The following MARCHF1 variants were observed in gnomAD, a reference collection of about 807,000 sequenced individuals.
MARCHF1 encodes E3 ubiquitin-protein ligase MARCHF1.
In MARCHF1, 40 loss-of-function variants were observed where a neutral mutation model predicts 54.2. The observed-to-expected ratio is 0.74, with a 90% CI of 0.57 to 0.96. MARCHF1 has a LOEUF of 0.96. Among genes scored for constraint, MARCHF1 ranks in the 40% least tolerant of loss-of-function variants. The pLI, the probability that MARCHF1 is intolerant of heterozygous loss-of-function variation, is 0.00. For synonymous variants in MARCHF1, 236 were observed against 236.3 expected, an observed-to-expected ratio of 1.00 and a Z score of 0.01; for missense variants, 586 against 656.5, an observed-to-expected ratio of 0.89 and a Z score of 1.17.
At chr4:164,146,696 A>G (rs183817622) in intron 1 of MARCHF1, among the ~76,000 whole-genome samples, 28,733 of 151,670 alleles carry the variant, frequency 0.19, 4,342 homozygotes, top group African/African-American at 0.41. Flanking sequence ...AGACTTAAAC[A>G]TTAGACCTAA....
chr4:164,151,247 C>G (rs1729927776), intron 1 of MARCHF1, among the ~76,000 whole-genome samples: 2 of 152,116 alleles, frequency 1.3e-5, no homozygotes, highest in Admixed American at 1.3e-4. Flanking sequence ...AGAGCTAAGA[C>G]AGTTCTAAGG....
chr4:163,611,663 A>G (rs910166274), intron 7 of MARCHF1, among the ~76,000 whole-genome samples: 1 of 152,110 alleles, frequency 6.6e-6, no homozygotes, highest in Non-Finnish European at 1.5e-5. Context: ...ACATAGCTAG[A>G]AAATATCCAC....
intron 3 of MARCHF1, among the ~76,000 whole-genome samples, chr4:163,967,314 G>A (rs1752462267): frequency 6.6e-6 from 1 of 152,126 alleles, no homozygotes; most frequent in South Asian, 2.1e-4. Flanking sequence ...GGAGCAGTGA[G>A]CAGTGGGAAT....
At chr4:163,825,184 A>T (rs892595159) in intron 4 of MARCHF1, among the ~76,000 whole-genome samples, 1 of 152,006 alleles carries the variant, frequency 6.6e-6, no homozygotes, top group African/African-American at 2.4e-5. Context: ...ATAAGTGAGA[A>T]CATGCTGCGT....
At chr4:164,251,401 T>G (rs923563422) in intron 1 of MARCHF1, among the ~76,000 whole-genome samples, 1 of 152,154 alleles carries the variant, frequency 6.6e-6, no homozygotes, top group South Asian at 2.1e-4. Flanking sequence ...AATGCTTGCG[T>G]GTAATGAAAT....
chr4:164,202,956 G>A (rs1213992008), intron 1 of MARCHF1, among the ~76,000 whole-genome samples: 1 of 151,648 alleles, frequency 6.6e-6, no homozygotes, highest in Non-Finnish European at 1.5e-5. Flanking sequence ...ACATACAAAT[G>A]TACACACACA....
chr4:164,177,001 T>G, intron 1 of MARCHF1, among the ~76,000 whole-genome samples: 1 of 91,664 alleles, frequency 1.1e-5, no homozygotes, highest in South Asian at 3.6e-4. Flanking sequence ...TATATATATA[T>G]ATATATATAC....
chr4:163,673,298 T>C lies in MARCHF1; in HGVS notation c.162+27515A>G, dbSNP rs548520807. On this transcript the variant is annotated intron_variant, in intron 5 of 9. Transcript: ENST00000514618. ...TAGCAAAAGCCTAATTGAGCAAGTA[T>C]TATCTAATTAAATCTAAGGATGTTG... Among the ~76,000 whole-genome samples the C allele has an allele frequency of 3.9e-5, 6 of 152,364 alleles. No individual in the cohort carries two copies. The East Asian group carries it at 7.7e-4, about 20-fold the overall frequency.
At chr4:164,241,672 G>A (rs1472497357) in intron 1 of MARCHF1, among the ~76,000 whole-genome samples, 1 of 152,202 alleles carries the variant, frequency 6.6e-6, no homozygotes, top group Non-Finnish European at 1.5e-5. Flanking sequence ...CCCAGCGTGA[G>A]CTACGCAGAA....
chr4:164,052,128 T>A (rs936617189), intron 2 of MARCHF1, among the ~76,000 whole-genome samples: 2 of 137,168 alleles, frequency 1.5e-5, no homozygotes, highest in Non-Finnish European at 3.1e-5. Context: ...CTACACATCT[T>A]TTGGAAGTTT....
At chr4:163,642,146 G>A (rs1263127195) in intron 5 of MARCHF1, among the ~76,000 whole-genome samples, 2 of 152,206 alleles carry the variant, frequency 1.3e-5, no homozygotes, top group Non-Finnish European at 2.9e-5. Flanking sequence ...ATTTAACTGA[G>A]CTTAAGTACG....
At chr4:163,929,936 T>C (rs1438071749) in intron 3 of MARCHF1, among the ~76,000 whole-genome samples, 5 of 43,492 alleles carry the variant, frequency 1.1e-4, no homozygotes, top group Non-Finnish European at 1.5e-4. Flanking sequence ...TAATATATTA[T>C]ATATTTATAT....
At chr4:163,993,055 T>C (rs746411115) in intron 2 of MARCHF1, among the ~76,000 whole-genome samples, 3 of 152,034 alleles carry the variant, frequency 2.0e-5, no homozygotes, top group African/African-American at 4.8e-5. Context: ...ATTTATGTTA[T>C]CTTGTAAAGG....
chr4:163,968,965 G>A (rs1354171736), intron 3 of MARCHF1, among the ~76,000 whole-genome samples: 1 of 152,138 alleles, frequency 6.6e-6, no homozygotes, highest in Non-Finnish European at 1.5e-5. Context: ...AGGACTTAGA[G>A]GTCCTAGAAA....
intron 4 of MARCHF1, among the ~76,000 whole-genome samples, chr4:163,824,698 C>T (rs1748796372): frequency 2.4e-5 from 2 of 85,088 alleles, no homozygotes; most frequent in African/African-American, 7.3e-5. Flanking sequence ...TCAGAGTGAA[C>T]AGGCAACCTA....
chr4:163,746,957 C>T (rs17044105), intron 4 of MARCHF1, among the ~76,000 whole-genome samples: 5,714 of 152,200 alleles, frequency 0.038, 161 homozygotes, highest in East Asian at 0.077. Flanking sequence ...TGAAGCTTGT[C>T]TTTGATCTTG....
At chr4:163,531,867 C>A (rs534572090) in intron 9 of MARCHF1, among the ~76,000 whole-genome samples, 139 of 151,742 alleles carry the variant, frequency 9.2e-4, no homozygotes, top group African/African-American at 3.3e-3. Flanking sequence ...CAACAAAAAC[C>A]TTAGGTGTAA....
intron 8 of MARCHF1, among the ~76,000 whole-genome samples, chr4:163,548,824 G>C (rs1198432792): frequency 6.6e-6 from 1 of 152,194 alleles, no homozygotes; most frequent in Non-Finnish European, 1.5e-5. Context: ...TACTAAGAAT[G>C]AGAAATGGAG....
rs151013270 is a variant in MARCHF1, at chr4:164,073,220, C to A, written c.-248+38368G>T. 7.0e-3 allele frequency among the ~76,000 whole-genome samples: 1,069 copies of A among 152,160 alleles called. 15 individuals carry two copies. Among genetic ancestry groups the A allele is most frequent in the African/African-American group, 0.024 (987 of 41,498 alleles). ...TGTGTGTTCATTGTGGCACTGTTCG[C>A]AATAGCAAAGACTTAGAACCAACCC... On this transcript the variant is annotated intron_variant, in intron 2 of 9. Coordinates refer to ENST00000514618, the MANE Select transcript of MARCHF1 (RefSeq NM_001394959.1).
Sources: allele counts gnomAD v4.1 joint callset (sites outside exome capture counted in the v4.1 genomes callset), GRCh38; gene constraint gnomAD v4.1.1; transcripts MANE v1.5; gene names NCBI Gene and HGNC (gene_info 2026-07-23, HGNC 2026-07-21).